GNA13: variants seen among roughly 807,000 people sequenced by gnomAD.
GNA13 encodes G protein subunit alpha 13.
A neutral mutation model predicts 33.5 loss-of-function variants in GNA13; 4 were observed. The ratio of observed to expected loss-of-function variants is 0.12; its 90% confidence interval spans 0.06 to 0.27. The LOEUF is 0.27. Among genes scored for constraint, GNA13 ranks in the 10% least tolerant of loss-of-function variants. GNA13 has a pLI of 1.00. For missense variants in GNA13, 319 were observed against 487.2 expected, an observed-to-expected ratio of 0.65 and a Z score of 3.25; for synonymous variants, 176 against 183.8, an observed-to-expected ratio of 0.96 and a Z score of 0.34.
chr17:65,025,500 G>T (rs1460262361), intron 2 of GNA13, among the ~76,000 whole-genome samples: 1 of 152,158 alleles, frequency 6.6e-6, no homozygotes, highest in South Asian at 2.1e-4. Flanking sequence ...TACTCCAGAT[G>T]TAACATTACT....
intron 2 of GNA13, among the ~76,000 whole-genome samples, chr17:65,033,168 G>T (rs756532367): frequency 6.6e-6 from 1 of 151,866 alleles, no homozygotes; most frequent in Non-Finnish European, 1.5e-5. Flanking sequence ...TTCAATGAGG[G>T]TAATACTGTC....
intron 3 of GNA13, among the ~76,000 whole-genome samples, chr17:65,017,592 G>A (rs1328396668): frequency 2.0e-5 from 3 of 152,182 alleles, no homozygotes; most frequent in South Asian, 2.1e-4. Context: ...AGTGGGCCCC[G>A]CTGGCCACAG....
chr17:65,053,905 T>C (rs1238645226), intron 1 of GNA13, among the ~76,000 whole-genome samples, 177 bp from the exon 2 acceptor site: 5 of 152,212 alleles, frequency 3.3e-5, no homozygotes, highest in Admixed American at 6.5e-5. Flanking sequence ...AAAATAACAG[T>C]TGCTCACTGT....
intron 2 of GNA13, among the ~76,000 whole-genome samples, chr17:65,038,587 T>C (rs1360791372): frequency 6.6e-6 from 1 of 152,154 alleles, no homozygotes; most frequent in African/African-American, 2.4e-5. Context: ...TTTTTCTGTA[T>C]TTTTAGTAGA....
At chr17:65,053,258 T>A in intron 2 of GNA13, 1 of 460,806 alleles carries the variant, frequency 2.2e-6, no homozygotes, top group Middle Eastern at 5.7e-4. Context: ...AACTAGAAAT[T>A]CATTTATGTT....
intron 2 of GNA13, among the ~76,000 whole-genome samples, chr17:65,028,180 C>T (rs1487252536): frequency 3.9e-5 from 6 of 152,144 alleles, no homozygotes; most frequent in Non-Finnish European, 7.3e-5. Context: ...GAGCTGAGAT[C>T]GCGTCACTGC....
chr17:65,041,413 A>G (rs1324611262), intron 2 of GNA13, among the ~76,000 whole-genome samples: 1 of 152,192 alleles, frequency 6.6e-6, no homozygotes, highest in East Asian at 1.9e-4. Context: ...TTGCTCCATG[A>G]GAAAAAGTAG....
intron 2 of GNA13, among the ~76,000 whole-genome samples, chr17:65,031,921 A>AGAGTGAGTGTGTGTGTGTGT (rs770161529): frequency 1.1e-5 from 1 of 91,624 alleles, no homozygotes; most frequent in African/African-American, 4.9e-5. Context: ...AGAGAGAGAG[A>AGAGTGAGTGTGTGTGTGTGT]GTGTGTGTGT....
chr17:65,050,977 G>A (rs945126934), intron 2 of GNA13, among the ~76,000 whole-genome samples: 3 of 152,042 alleles, frequency 2.0e-5, no homozygotes, highest in Non-Finnish European at 2.9e-5. Context: ...TTACCTATTC[G>A]TTCTTAATCA....
chr17:65,032,613 C>A (rs962184300), intron 2 of GNA13, among the ~76,000 whole-genome samples: 5 of 152,148 alleles, frequency 3.3e-5, no homozygotes, highest in Non-Finnish European at 5.9e-5. Flanking sequence ...AGTCCAAAGG[C>A]TGGCTTTACA....
chr17:65,044,132 T>A (rs926913332), intron 2 of GNA13, among the ~76,000 whole-genome samples: 5 of 151,372 alleles, frequency 3.3e-5, no homozygotes, highest in African/African-American at 1.2e-4. Flanking sequence ...TCTCAAAAAG[T>A]AAAAAAAAGA....
In GNA13 at chr17:65,035,709, C is replaced by T. The variant is rs1453668221; in HGVS notation, c.511-17406G>A. Among the ~76,000 whole-genome samples, 4 of 151,856 alleles carry T rather than the reference C, an allele frequency of 2.6e-5. No homozygotes were observed. The South Asian group carries it at 8.3e-4, about 32-fold the overall frequency. On this transcript the variant is annotated intron_variant, in intron 2 of 3. Coordinates refer to ENST00000439174, the MANE Select transcript of GNA13 (RefSeq NM_006572.6). ...GGTTAAAATACTTTTTTGAAAAGGG[C>T]CAATCATATATAATCCCATCAGCAT...
chr17:65,026,830 G>A (rs574810669), intron 2 of GNA13, among the ~76,000 whole-genome samples: 1 of 152,168 alleles, frequency 6.6e-6, no homozygotes. Flanking sequence ...CCAGGCTGGG[G>A]TGCAATGGCA....
intron 2 of GNA13, among the ~76,000 whole-genome samples, chr17:65,035,912 C>A (rs995196409): frequency 2.6e-5 from 4 of 152,132 alleles, no homozygotes; most frequent in African/African-American, 9.7e-5. Flanking sequence ...TAAAGAGAGG[C>A]GCCTATTAGA....
intron 1 of GNA13, among the ~76,000 whole-genome samples, chr17:65,055,316 C>A (rs201530046): frequency 2.6e-5 from 4 of 152,132 alleles, no homozygotes; most frequent in East Asian, 1.9e-4. Context: ...TTTTCGATTT[C>A]TTTGAATGCC....
At position 65,056,719 on chromosome 17, in the gene GNA13, G is replaced by A; in HGVS notation, c.-126C>T. On this transcript the variant is annotated 5_prime_UTR_variant, in exon 1 of 4. Coordinates refer to ENST00000439174, the MANE Select transcript of GNA13 (RefSeq NM_006572.6). ...GCGGCGGCGGCCCGAGCGCGCCCAG[G>A]GAGGGAGGGAACCAGCGAACTGACT... 1 of 563,070 alleles carries A rather than the reference G, an allele frequency of 1.8e-6. No individual in the cohort carries two copies. The highest frequency in any genetic ancestry group is 2.7e-6 in the Non-Finnish European group (1 of 375,792). The allele number at this position is 563,070 out of a possible 1,614,324, so 34.9% of individuals were successfully genotyped here. A position where few individuals can be genotyped will look rare whatever the true frequency, so the allele number is the denominator to read the frequency against.
At chr17:65,029,621 C>T (rs1028215977) in intron 2 of GNA13, among the ~76,000 whole-genome samples, 1 of 33,612 alleles carries the variant, frequency 3.0e-5, no homozygotes, top group East Asian at 0.062. Flanking sequence ...TTTGCACTTA[C>T]GGTTTATACC....
At chr17:65,037,251 A>G (rs536632990) in intron 2 of GNA13, among the ~76,000 whole-genome samples, 1 of 152,330 alleles carries the variant, frequency 6.6e-6, no homozygotes, top group Non-Finnish European at 1.5e-5. Flanking sequence ...CAAACTTTAA[A>G]AAGGTCAGAA....
intron 3 of GNA13, among the ~76,000 whole-genome samples, chr17:65,016,823 G>A (rs1019287501): frequency 2.0e-5 from 3 of 152,170 alleles, no homozygotes; most frequent in African/African-American, 2.4e-5. Flanking sequence ...TGCACACAGC[G>A]TTCAGCCTAC....
Sources: allele counts gnomAD v4.1 joint callset (sites outside exome capture counted in the v4.1 genomes callset), GRCh38; gene constraint gnomAD v4.1.1; transcripts MANE v1.5; gene names NCBI Gene and HGNC (gene_info 2026-07-23, HGNC 2026-07-21).